Variants in ZNF521 observed in about 807,000 individuals in gnomAD.
ZNF521 encodes the protein zinc finger protein 521, also known as LYST-interacting protein 3.
A neutral mutation model predicts 105.5 loss-of-function variants in ZNF521; 14 were observed. The ratio of observed to expected loss-of-function variants is 0.13; its 90% CI spans 0.09 to 0.21. The LOEUF is 0.21. Ranked by LOEUF, ZNF521 falls within the 10% of genes least tolerant of loss-of-function variation. ZNF521 has a pLI of 1.00. For missense variants in ZNF521, 1,233 were observed against 1,629.7 expected (o/e 0.76, Z 4.19); for synonymous variants, 635 against 606.0 (o/e 1.05, Z -0.70).
At position 25,183,522 on chromosome 18, in the gene ZNF521, A is replaced by G. The variant is rs148260994; in HGVS notation, c.3658+11638T>C. 2.2e-3 allele frequency among the ~76,000 whole-genome samples: 338 copies of G among 152,300 alleles called. 2 individuals carry two copies. Among genetic ancestry groups the G allele is most frequent in the Non-Finnish European group, 2.0e-3 (133 of 68,012 alleles). ...CGTTACCCTACACTTCATTTAGAAA[A>G]TAAGCCATGCTACAACTGCCTCCAG... On this transcript the variant is annotated intron_variant, in intron 5 of 7. Transcript: ENST00000361524.
At chr18:25,109,939 A>G (rs1210530784) in intron 5 of ZNF521, among the ~76,000 whole-genome samples, 1 of 152,142 alleles carries the variant, frequency 6.6e-6, no homozygotes, top group Non-Finnish European at 1.5e-5. Context: ...GCTGTGCCAA[A>G]GCTGTTTTGT....
At chr18:25,085,694 T>C (rs1401683632) in intron 7 of ZNF521, among the ~76,000 whole-genome samples, 2 of 151,400 alleles carry the variant, frequency 1.3e-5, no homozygotes, top group African/African-American at 2.4e-5. Flanking sequence ...TATACATATA[T>C]GGTGGCAAGT....
chr18:25,238,734 T>A (rs1373274529), intron 3 of ZNF521, among the ~76,000 whole-genome samples: 1 of 152,156 alleles, frequency 6.6e-6, no homozygotes, highest in Non-Finnish European at 1.5e-5. Flanking sequence ...GCTGACCCTC[T>A]ACCACAGCCA....
chr18:25,084,791 C>T (rs1474462468), intron 7 of ZNF521, among the ~76,000 whole-genome samples: 3 of 152,144 alleles, frequency 2.0e-5, no homozygotes, highest in Admixed American at 6.5e-5. Context: ...TGATCATTGC[C>T]ATCCAATAGT....
intron 5 of ZNF521, among the ~76,000 whole-genome samples, chr18:25,186,366 A>G (rs1001854544): frequency 2.6e-5 from 4 of 152,222 alleles, no homozygotes; most frequent in African/African-American, 9.6e-5. Flanking sequence ...CCTGAAATAT[A>G]TTAATCACCA....
chr18:25,163,316 C>G (rs2035281709), intron 5 of ZNF521, among the ~76,000 whole-genome samples: 1 of 152,212 alleles, frequency 6.6e-6, no homozygotes, highest in Non-Finnish European at 1.5e-5. Context: ...AGATAACTGT[C>G]TTCTTCCTAT....
intron 5 of ZNF521, among the ~76,000 whole-genome samples, chr18:25,149,071 G>A (rs554725849): frequency 1.3e-5 from 2 of 152,266 alleles, no homozygotes; most frequent in Admixed American, 6.5e-5. Context: ...CTATTGATAG[G>A]TGAAGATAAG....
At chr18:25,301,249 G>T (rs1911626183) in intron 3 of ZNF521, among the ~76,000 whole-genome samples, 1 of 152,160 alleles carries the variant, frequency 6.6e-6, no homozygotes, top group South Asian at 2.1e-4. Context: ...CTCGGACCAT[G>T]CAGATAATAT....
intron 3 of ZNF521, among the ~76,000 whole-genome samples, chr18:25,244,689 C>T (rs2144815258): frequency 6.6e-6 from 1 of 152,340 alleles, no homozygotes; most frequent in East Asian, 1.9e-4. Flanking sequence ...TTTATGTGAA[C>T]TGCAAAAGGC....
chr18:25,128,160 A>G (rs914803909), intron 5 of ZNF521, among the ~76,000 whole-genome samples: 9 of 151,960 alleles, frequency 5.9e-5, no homozygotes, highest in Non-Finnish European at 1.3e-4. Context: ...ATGCAAGGCA[A>G]GTTCAACATT....
Position 25,225,793 on chromosome 18 carries a change from G to T in ZNF521, c.2125C>A (p.Leu709Ile). 2 of 1,614,236 alleles carry T rather than the reference G, an allele frequency of 1.2e-6. No individual in the cohort carries two copies. Among genetic ancestry groups the T allele is most frequent in the Non-Finnish European group, 1.7e-6 (2 of 1,180,030 alleles). The change falls in exon 4 of 8, where the codon CTT (leucine) becomes ATT (isoleucine). Residue 709 changes from leucine (L) to isoleucine (I), a missense_variant. Leu to Ile is a conservative substitution (Grantham distance 5). Around this residue, in one of 6 missense-constraint regions of ZNF521, gnomAD observed 614 missense variants for 751.5 expected, o/e 0.82. Coordinates refer to ENST00000361524, the MANE Select transcript of ZNF521 (RefSeq NM_015461.3). The surrounding 1 kb of genome is among the most constrained non-coding windows in gnomAD (Gnocchi z 5.6). ...TGCATGTCCAGCAGGTGTTTCTGAA[G>T]GTCATCCACTGATGTGAATTGCTTG... is the stretch of plus-strand genomic sequence containing the variant. ...CDKQFTSVDD[L>I]QKHLLDMHTF...
At chr18:25,281,085 T>G (rs1298443407) in intron 3 of ZNF521, among the ~76,000 whole-genome samples, 2 of 152,186 alleles carry the variant, frequency 1.3e-5, no homozygotes, top group African/African-American at 4.8e-5. Flanking sequence ...AATAATGGAC[T>G]TAGGGGTGAA....
At chr18:25,210,059 T>A (rs2036151492) in intron 4 of ZNF521, among the ~76,000 whole-genome samples, 1 of 152,082 alleles carries the variant, frequency 6.6e-6, no homozygotes, top group South Asian at 2.1e-4. Context: ...ATTGAAAAAA[T>A]TATATAAATA....
intron 2 of ZNF521, among the ~76,000 whole-genome samples, chr18:25,324,099 C>T (rs190774662): frequency 6.6e-6 from 1 of 152,242 alleles, no homozygotes; most frequent in Admixed American, 6.5e-5. Context: ...ATTTAGACTG[C>T]TCATTCCTGG....
chr18:25,245,829 A>G (rs1012564982), intron 3 of ZNF521, among the ~76,000 whole-genome samples: 2 of 152,204 alleles, frequency 1.3e-5, no homozygotes, highest in Non-Finnish European at 2.9e-5. Flanking sequence ...CCTGAGCAAC[A>G]TAGTGAGACC....
At chr18:25,343,331 GA>G (rs1385994357) in intron 2 of ZNF521, among the ~76,000 whole-genome samples, 2 of 151,974 alleles carry the variant, frequency 1.3e-5, no homozygotes, top group Admixed American at 6.6e-5. Flanking sequence ...ATTTTAATTG[GA>G]AAAAAATCCA....
Position 25,299,712 on chromosome 18 carries a change from C to T in ZNF521, c.220+22296G>A, listed in dbSNP as rs112712317. On this transcript the variant is annotated intron_variant, in intron 3 of 7. Transcript: ENST00000361524. Reference sequence around the variant, plus strand: ...TTAAAGACATACCACTCTATAAACGCGACCCATGATACAAGGGAACAAAAG... The same window carrying T: ...TTAAAGACATACCACTCTATAAACGTGACCCATGATACAAGGGAACAAAAG... Among the ~76,000 whole-genome samples, 287 of 152,232 alleles carry T rather than the reference C, an allele frequency of 1.9e-3. 1 individual carries two copies. The highest frequency in any genetic ancestry group is 6.6e-3 in the African/African-American group (273 of 41,534).
intron 4 of ZNF521, among the ~76,000 whole-genome samples, chr18:25,199,087 A>G (rs1236656099): frequency 1.3e-5 from 2 of 151,952 alleles, no homozygotes; most frequent in African/African-American, 2.4e-5. Flanking sequence ...CTTGAATCTA[A>G]TTAAGTCTTT....
intron 3 of ZNF521, among the ~76,000 whole-genome samples, chr18:25,272,458 T>A (rs1272393017): frequency 6.6e-6 from 1 of 152,138 alleles, no homozygotes; most frequent in Non-Finnish European, 1.5e-5. Context: ...AAGACACATG[T>A]ACACATATGT....
Sources: gnomAD v4.1 joint callset for allele counts (sites outside exome capture counted in the v4.1 genomes callset) on GRCh38, gnomAD v4.1.1 for gene constraint, gnomAD v4.1.1 regional missense constraint, Gnocchi (gnomAD v3.1) non-coding constraint, MANE v1.5 for transcripts, NCBI Gene and HGNC (gene_info 2026-07-23, HGNC 2026-07-21) for gene names.